Variants in RIPOR3 observed in about 807,000 individuals in gnomAD.
RIPOR3 encodes RIPOR family member 3.
RIPOR3 carries 95 observed loss-of-function variants against 114.3 expected under a neutral mutation model. That is an observed-to-expected ratio of 0.83 (90% CI 0.70 to 0.99). The LOEUF (loss-of-function observed/expected upper bound fraction) is 0.99, where lower values mean the gene tolerates loss of function less well. Ranked by LOEUF, RIPOR3 falls within the 50% of genes least tolerant of loss-of-function variation. RIPOR3 has a pLI of 0.00. For synonymous variants in RIPOR3, 575 were observed against 543.8 expected (o/e 1.06, Z -0.80); for missense variants, 1,252 against 1,266.9 (o/e 0.99, Z 0.18).
chr20:50,594,275 C>CAA (rs35958484), intron 17 of RIPOR3, among the ~76,000 whole-genome samples: 3,036 of 77,532 alleles, frequency 0.039, 67 homozygotes, highest in Middle Eastern at 0.098. Flanking sequence ...GACTCCATCT[C>CAA]AAAAAAAAAA....
chr20:50,627,432 C>T (rs1231813569), intron 2 of RIPOR3, among the ~76,000 whole-genome samples: 1 of 150,286 alleles, frequency 6.7e-6, no homozygotes, highest in Admixed American at 6.6e-5. Flanking sequence ...ATTGCTTGAA[C>T]TCAGGAGGCG....
chr20:50,665,502 C>G (rs923375527), intron 1 of RIPOR3, among the ~76,000 whole-genome samples: 2 of 148,508 alleles, frequency 1.3e-5, no homozygotes, highest in African/African-American at 5.0e-5. Context: ...CTCTCCGCAA[C>G]CTCCGCCTCC....
At chr20:50,596,361 A>G in intron 14 of RIPOR3, 98 bp from the exon 15 acceptor site, 1 of 1,542,670 alleles carries the variant, frequency 6.5e-7, no homozygotes, top group Non-Finnish European at 8.8e-7. Context: ...CCAGGTCAGG[A>G]GGCCCACTCC....
chr20:50,652,625 AAAAG>A (rs1426490181), intron 1 of RIPOR3, among the ~76,000 whole-genome samples: 2 of 148,370 alleles, frequency 1.3e-5, no homozygotes, highest in Non-Finnish European at 2.9e-5. Context: ...AAAAGAAAAG[AAAAG>A]AAAGAAAGAA....
chr20:50,606,018 A>G (rs1312461018), intron 11 of RIPOR3, among the ~76,000 whole-genome samples: 1 of 152,164 alleles, frequency 6.6e-6, no homozygotes, highest in African/African-American at 2.4e-5. Flanking sequence ...AGCCTGGCCA[A>G]CATGGCGAAA....
intron 2 of RIPOR3, among the ~76,000 whole-genome samples, chr20:50,626,914 T>A (rs1211244354): frequency 6.6e-6 from 1 of 150,748 alleles, no homozygotes; most frequent in African/African-American, 2.5e-5. Context: ...CTCGGGAGGC[T>A]GAGGCAGGAG....
Position 50,680,631 on chromosome 20 carries a change from C to T in RIPOR3, c.3+10495G>A, listed in dbSNP as rs1027663632. 1.1e-4 allele frequency among the ~76,000 whole-genome samples: 17 copies of T among 152,380 alleles called. No individual in the cohort carries two copies. The Middle Eastern group carries it at 0.01, about 91-fold the overall frequency. ...TCACGCCGACCTGGCCAAAGGCTGCCTGTGCTGGTTACAGCTCAACCAGAG... is the reference window on the plus strand; with the variant it reads ...TCACGCCGACCTGGCCAAAGGCTGCTTGTGCTGGTTACAGCTCAACCAGAG... On this transcript the variant is annotated intron_variant, in intron 1 of 21. Transcript: ENST00000327979.
chr20:50,607,288 T>C (rs1360578195), intron 11 of RIPOR3, among the ~76,000 whole-genome samples: 3 of 152,064 alleles, frequency 2.0e-5, no homozygotes, highest in Admixed American at 2.0e-4. Flanking sequence ...ATGTGGAACA[T>C]GCACAGGGAA....
At position 50,679,121 on chromosome 20, in the gene RIPOR3, A is replaced by ATATATAT. The variant is rs1600761983; in HGVS notation, c.3+12004_3+12005insATATATA. On this transcript the variant is annotated intron_variant, in intron 1 of 21. Coordinates refer to ENST00000327979, the MANE Select transcript of RIPOR3 (RefSeq NM_001290268.2). ...TCCTGTCTCAAAAAAAAAAAAAAAA[A>ATATATAT]AAAAAAAAAAAAAAATATATATATA... is the stretch of plus-strand genomic sequence containing the variant. Among the ~76,000 whole-genome samples the ATATATAT allele has an allele frequency of 9.1e-5, 7 of 77,222 alleles. No individual in the cohort carries two copies. The East Asian group carries it at 1.6e-3, about 18-fold the overall frequency. 50.7% of individuals were successfully genotyped at this position (77,222 alleles called of 152,430 possible).
chr20:50,670,018 G>A (rs949795983), intron 1 of RIPOR3, among the ~76,000 whole-genome samples: 3 of 48,346 alleles, frequency 6.2e-5, no homozygotes, highest in Admixed American at 5.9e-4. Context: ...TTAGCCGGGC[G>A]TGGTGGCAGG....
chr20:50,589,865 G>A (rs1301882793), intron 19 of RIPOR3, 96 bp from the exon 20 acceptor site: 14 of 1,032,238 alleles, frequency 1.4e-5, no homozygotes, highest in Admixed American at 1.2e-4. Context: ...AGTAAGGCAC[G>A]CTGTGCCCAT....
chr20:50,623,274 A>G (rs6126050), intron 2 of RIPOR3, among the ~76,000 whole-genome samples: 14,010 of 150,542 alleles, frequency 0.093, 2,054 homozygotes, highest in African/African-American at 0.31. Context: ...AAAAAAAAAA[A>G]AAAAAGAAAA....
At chr20:50,634,771 A>G (rs1045882380) in intron 1 of RIPOR3, among the ~76,000 whole-genome samples, 5 of 152,172 alleles carry the variant, frequency 3.3e-5, no homozygotes, top group Non-Finnish European at 5.9e-5. Flanking sequence ...AGTGGCTCAC[A>G]CCTGTAATCC....
At chr20:50,635,104 C>T (rs1312537999) in intron 1 of RIPOR3, among the ~76,000 whole-genome samples, 1 of 152,216 alleles carries the variant, frequency 6.6e-6, no homozygotes, top group Non-Finnish European at 1.5e-5. Context: ...GTTTTTGTCA[C>T]AACTACTCAG....
chr20:50,649,424 A>G (rs2085524553), intron 1 of RIPOR3, among the ~76,000 whole-genome samples: 1 of 152,184 alleles, frequency 6.6e-6, no homozygotes, highest in African/African-American at 2.4e-5. Flanking sequence ...CAACCTGGCT[A>G]CAGAGCAAGC....
At chr20:50,662,669 G>T (rs1393842646) in intron 1 of RIPOR3, among the ~76,000 whole-genome samples, 1 of 152,206 alleles carries the variant, frequency 6.6e-6, no homozygotes, top group Non-Finnish European at 1.5e-5. Flanking sequence ...ACCCACAGGG[G>T]TGTCCACTGG....
Position 50,611,488 on chromosome 20 carries a change from C to A in RIPOR3, c.349-284G>T, listed in dbSNP as rs1302745024. On this transcript the variant is annotated intron_variant, in intron 4 of 21. Transcript: ENST00000327979. ...CAAGTCATTCAGCCTTTCTGGGCCT[C>A]CGTTTCCTCCTATGTAAAGCAGGGT... is the stretch of plus-strand genomic sequence containing the variant. Among the ~76,000 whole-genome samples, 9 of 152,216 alleles carry A rather than the reference C, an allele frequency of 5.9e-5. No individual in the cohort carries two copies. In the East Asian group the frequency reaches 1.7e-3, roughly 29 times the overall value.
intron 13 of RIPOR3, among the ~76,000 whole-genome samples, chr20:50,601,665 G>T (rs1389682126): frequency 6.6e-6 from 1 of 152,188 alleles, no homozygotes; most frequent in Non-Finnish European, 1.5e-5. Flanking sequence ...TATGAGCCCT[G>T]TGGAGAAGGT....
rs771568258 is a variant in RIPOR3 at position 50,596,239 on chromosome 20, CGGT to C, written c.1812_1814del (p.Pro605del). On this transcript the variant is annotated inframe_deletion, in exon 15 of 22. Coordinates refer to ENST00000327979, the MANE Select transcript of RIPOR3 (RefSeq NM_001290268.2). ...CCCTGGATGACGCTTTCAGTGATGA[CGGT>C]GGGGGCAGGGGCCGGTCCTTTCTGA... 1.1e-5 allele frequency: 18 copies of C among 1,614,034 alleles called. No homozygotes were observed. The highest frequency in any genetic ancestry group is 1.4e-5 in the Non-Finnish European group (16 of 1,180,036).
Sources: allele counts gnomAD v4.1 joint callset (sites outside exome capture counted in the v4.1 genomes callset), GRCh38; gene constraint gnomAD v4.1.1; transcripts MANE v1.5; gene names NCBI Gene and HGNC (gene_info 2026-07-23, HGNC 2026-07-21).